Variants in SMAD6 observed in about 807,000 individuals in gnomAD.
The protein encoded by SMAD6 is MAD homolog 6.
Under a neutral mutation model 39.4 loss-of-function variants are expected in SMAD6, and 103 were observed. The observed-to-expected ratio is 2.62, with a 90% CI of 2.23 to 3.08. The LOEUF is 3.08. SMAD6 is among the 30% of genes most tolerant of loss of function. The pLI, the probability that SMAD6 is intolerant of heterozygous loss-of-function variation, is 0.00. For synonymous variants in SMAD6, 445 were observed against 353.3 expected (o/e 1.26, Z -2.91); for missense variants, 1,104 against 742.9 (o/e 1.49, Z -5.65).
chr15:66,773,380 T>C (rs1174441220), intron 3 of SMAD6, among the ~76,000 whole-genome samples: 1 of 152,178 alleles, frequency 6.6e-6, no homozygotes, highest in African/African-American at 2.4e-5. Flanking sequence ...GATAAAGAAC[T>C]GGTCTTCCCC....
intron 3 of SMAD6, among the ~76,000 whole-genome samples, chr15:66,744,361 T>C (rs762665691): frequency 2.6e-5 from 4 of 152,308 alleles, no homozygotes; most frequent in Non-Finnish European, 5.9e-5. Flanking sequence ...AGACCAGGTC[T>C]GTGTCCTCAG....
chr15:66,777,937 A>G (rs1894494660), intron 3 of SMAD6, among the ~76,000 whole-genome samples: 1 of 152,084 alleles, frequency 6.6e-6, no homozygotes, highest in African/African-American at 2.4e-5. Flanking sequence ...GTCATAGGGT[A>G]CCATAAGGTG....
At position 66,704,007 on chromosome 15, in the gene SMAD6, T is replaced by C. The variant is rs1040555496; in HGVS notation, c.749T>C (p.Phe250Ser). 19 of 1,495,304 alleles carry C rather than the reference T, an allele frequency of 1.3e-5. 1 individual carries two copies. In the African/African-American group the frequency reaches 2.6e-4, roughly 21 times the overall value. 92.6% of individuals were successfully genotyped at this position (1,495,304 alleles called of 1,614,324 possible). A position where few individuals can be genotyped will look rare whatever the true frequency, so the allele number is the denominator to read the frequency against. Residue 250 changes from phenylalanine to serine, a missense_variant, in exon 1 of 4, where the codon TTC becomes TCC. Coordinates refer to ENST00000288840, the MANE Select transcript of SMAD6 (RefSeq NM_005585.5). ...AAGCCCCTGTGCGGCTGCCACAGCT[T>C]CGCCGCCGCCGCCGACGGCCCTACC... ...ELKPLCGCHS[F>S]AAAADGPTVC...
Position 66,769,422 on chromosome 15 carries a change from A to G in SMAD6, c.953-11575A>G, listed in dbSNP as rs373356351. Among the ~76,000 whole-genome samples the G allele has an allele frequency of 1.6e-4, 24 of 152,216 alleles. No homozygotes were observed. In the East Asian group the frequency reaches 2.7e-3, roughly 17 times the overall value. ...TAACATAGCTGTGAAGATTTGCACC[A>G]GTTCACCTCTCCATCATCTGTAGTC... On this transcript the variant is annotated intron_variant, in intron 3 of 3. Transcript: ENST00000288840.
intron 3 of SMAD6, among the ~76,000 whole-genome samples, chr15:66,742,993 C>T (rs1253237805): frequency 6.6e-6 from 1 of 152,138 alleles, no homozygotes; most frequent in African/African-American, 2.4e-5. Flanking sequence ...TGGTCCGTGC[C>T]CTGACCGTGT....
chr15:66,750,997 C>A (rs1046400997), intron 3 of SMAD6, among the ~76,000 whole-genome samples: 2 of 152,152 alleles, frequency 1.3e-5, no homozygotes, highest in African/African-American at 4.8e-5. Flanking sequence ...CGTGCTAGGC[C>A]ATGAGTAACC....
chr15:66,712,973 CTCCAG>C (rs1440444227), intron 2 of SMAD6, among the ~76,000 whole-genome samples: 2 of 152,166 alleles, frequency 1.3e-5, no homozygotes, highest in Non-Finnish European at 2.9e-5. Flanking sequence ...TGCCACTACA[CTCCAG>C]TCTGGGGGAC....
intron 3 of SMAD6, among the ~76,000 whole-genome samples, chr15:66,744,863 T>G (rs1438815176): frequency 6.6e-6 from 1 of 152,166 alleles, no homozygotes; most frequent in Non-Finnish European, 1.5e-5. Flanking sequence ...CCAGCTCCTA[T>G]GGGACCTGGG....
intron 3 of SMAD6, among the ~76,000 whole-genome samples, chr15:66,725,097 G>A (rs771145644): frequency 2.0e-5 from 3 of 152,170 alleles, no homozygotes; most frequent in African/African-American, 4.8e-5. Flanking sequence ...TCCTTGTCAG[G>A]GTAGAGTGGC....
Position 66,703,295 on chromosome 15 carries a change from C to T in SMAD6, c.37C>T (p.Leu13Phe), listed in dbSNP as rs909517485. 5 of 1,491,228 alleles carry T rather than the reference C, an allele frequency of 3.4e-6. No individual in the cohort carries two copies. The highest frequency in any genetic ancestry group is 4.5e-6 in the Non-Finnish European group (5 of 1,120,130). The allele number at this position is 1,491,228 out of a possible 1,614,324, so 92.4% of individuals were successfully genotyped here. A position where few individuals can be genotyped will look rare whatever the true frequency, so the allele number is the denominator to read the frequency against. The change falls in exon 1 of 4, where the codon CTT becomes TTT. Residue 13 changes from leucine (L) to phenylalanine (F), a missense_variant. Transcript: ENST00000288840. Reference protein sequence around the residue: ...RSKRSGLVRRLWRSRVVPDRE... With the variant: ...RSKRSGLVRRFWRSRVVPDRE... ...CAAACGCTCGGGGCTGGTGCGGCGA[C>T]TTTGGCGAAGTCGTGTGGTCCCCGA...
At chr15:66,756,230 G>T (rs1482468496) in intron 3 of SMAD6, among the ~76,000 whole-genome samples, 1 of 151,940 alleles carries the variant, frequency 6.6e-6, no homozygotes, top group African/African-American at 2.4e-5. Flanking sequence ...AGTGCAGGAG[G>T]CCCTTTAAAA....
chr15:66,761,978 A>G (rs1297082305), intron 3 of SMAD6, among the ~76,000 whole-genome samples: 2 of 152,138 alleles, frequency 1.3e-5, no homozygotes, highest in Non-Finnish European at 2.9e-5. Flanking sequence ...CAAGGAAGTG[A>G]CGCTCAGAAC....
chr15:66,782,557 A>C lies in SMAD6; in HGVS notation c.*1022A>C, dbSNP rs1894597424. On this transcript the variant is annotated 3_prime_UTR_variant, in exon 4 of 4. Transcript: ENST00000288840. ...GTATTAATGATTTATGTAAAGGCAG[A>C]TGGTTTATTTCTACTTTGTGAAAGG... is the stretch of plus-strand genomic sequence containing the variant. 6.6e-6 allele frequency: 1 copy of C among 152,218 alleles called. No homozygotes were observed. Among genetic ancestry groups the C allele is most frequent in the African/African-American group, 2.4e-5 (1 of 41,454 alleles). The allele number at this position is 152,218 out of a possible 1,614,324, so 9.4% of individuals were successfully genotyped here.
At chr15:66,749,501 G>GCAC (rs1487438951) in intron 3 of SMAD6, among the ~76,000 whole-genome samples, 1 of 152,096 alleles carries the variant, frequency 6.6e-6, no homozygotes, top group Non-Finnish European at 1.5e-5. Flanking sequence ...GTCGTGGCAT[G>GCAC]CACCTACCCA....
rs577727623 is a variant in SMAD6 at position 66,746,462 on chromosome 15, C to T, written c.952+29964C>T. The stretch of plus-strand genomic sequence containing the variant: ...GACCCTGACTTCAGCCTATTGTTCC[C>T]CCTGCTGACACAGAGGCTCCAAGTT... On this transcript the variant is annotated intron_variant, in intron 3 of 3. Coordinates refer to ENST00000288840, the MANE Select transcript of SMAD6 (RefSeq NM_005585.5). Among the ~76,000 whole-genome samples, 13 of 152,254 alleles carry T rather than the reference C, an allele frequency of 8.5e-5. 1 individual carries two copies. In the South Asian group the frequency reaches 2.5e-3, roughly 29 times the overall value.
intron 3 of SMAD6, among the ~76,000 whole-genome samples, chr15:66,746,078 G>C (rs1893902770): frequency 6.6e-6 from 1 of 152,236 alleles, no homozygotes; most frequent in Non-Finnish European, 1.5e-5. Context: ...GAGGGTGCTG[G>C]GGTTGGGGGA....
chr15:66,729,227 C>T (rs565068463), intron 3 of SMAD6, among the ~76,000 whole-genome samples: 3 of 152,274 alleles, frequency 2.0e-5, no homozygotes, highest in African/African-American at 7.2e-5. Context: ...TGTCCCCCTG[C>T]GTCTCCCTGC....
At chr15:66,712,770 G>C (rs77130154) in intron 2 of SMAD6, among the ~76,000 whole-genome samples, 4,240 of 152,078 alleles carry the variant, frequency 0.028, 134 homozygotes, top group East Asian at 0.077. Flanking sequence ...ATTTTAGGAG[G>C]CTAAGGTGGG....
chr15:66,740,878 T>TCATG (rs1252918099), intron 3 of SMAD6: 1 of 152,224 alleles, frequency 6.6e-6, no homozygotes, highest in African/African-American at 2.4e-5. Flanking sequence ...CACCTACACC[T>TCATG]CATGACTTTC....
Sources: allele counts gnomAD v4.1 joint callset (sites outside exome capture counted in the v4.1 genomes callset), GRCh38; gene constraint gnomAD v4.1.1; transcripts MANE v1.5; gene names NCBI Gene and HGNC (gene_info 2026-07-23, HGNC 2026-07-21).